DYNC2H1: variants seen among roughly 807,000 people sequenced by gnomAD.
DYNC2H1 encodes the protein cytoplasmic dynein 2 heavy chain 1.
In DYNC2H1, 410 loss-of-function variants were observed where a neutral mutation model predicts 570.0. The ratio of observed to expected loss-of-function variants is 0.72; its 90% CI spans 0.66 to 0.78. The LOEUF (loss-of-function observed/expected upper bound fraction) is 0.78, where lower values mean the gene tolerates loss of function less well. DYNC2H1 is among the 30% of genes least tolerant of loss of function. The pLI, the probability that DYNC2H1 is intolerant of heterozygous loss-of-function variation, is 0.00. For synonymous variants in DYNC2H1, 1,688 were observed against 1,677.6 expected (o/e 1.01, Z -0.15); for missense variants, 4,865 against 5,046.4 (o/e 0.96, Z 1.09).
At chr11:103,225,387 C>A (rs1863762962) in intron 59 of DYNC2H1, among the ~76,000 whole-genome samples, 1 of 152,066 alleles carries the variant, frequency 6.6e-6, no homozygotes, top group African/African-American at 2.4e-5. Flanking sequence ...GGTTTCAGGT[C>A]TTAGATTTAA....
At chr11:103,420,234 A>G (rs930550789) in intron 84 of DYNC2H1, among the ~76,000 whole-genome samples, 10 of 152,174 alleles carry the variant, frequency 6.6e-5, no homozygotes, top group African/African-American at 1.2e-4. Flanking sequence ...GATATCATCC[A>G]GGAGAACTTC....
intron 82 of DYNC2H1, among the ~76,000 whole-genome samples, chr11:103,348,256 A>G (rs77524890): frequency 0.069 from 10,478 of 152,194 alleles, 554 homozygotes; most frequent in East Asian, 0.22. Context: ...TAAACTACCT[A>G]ACATTGTTTT....
In DYNC2H1 at chr11:103,186,398, C is replaced by T; in HGVS notation, c.6790C>T (p.Gln2264Ter). The T allele has an allele frequency of 6.2e-7, 1 of 1,612,906 alleles. No homozygotes were observed. The highest frequency in any genetic ancestry group is 8.5e-7 in the Non-Finnish European group (1 of 1,179,234). Reference sequence around the variant, plus strand: ...TAACGGCTTAACTCTTCCAGTCATTCAGACTCCTGACATGCAACGAGGTCT... The same window carrying T: ...TAACGGCTTAACTCTTCCAGTCATTTAGACTCCTGACATGCAACGAGGTCT... ...FSNGLTLPVI[Q>*]TPDMQRGLDY... Residue 2264 changes from glutamine (Q) to a stop codon, truncating the protein, a stop_gained, in exon 42 of 89, where the codon CAG becomes TAG. Coordinates refer to ENST00000375735, the MANE Select transcript of DYNC2H1 (RefSeq NM_001377.3). LOFTEE classifies it high-confidence loss of function. This position sits in a 1 kb window ranked among gnomAD's most constrained non-coding sequence, Gnocchi z 4.5.
At chr11:103,332,672 A>G (rs1214854741) in intron 82 of DYNC2H1, among the ~76,000 whole-genome samples, 1 of 152,116 alleles carries the variant, frequency 6.6e-6, no homozygotes, top group African/African-American at 2.4e-5. Flanking sequence ...GGAAACCACA[A>G]ATTCTAACTC....
At chr11:103,358,605 T>C (rs1434169323) in intron 83 of DYNC2H1, among the ~76,000 whole-genome samples, 1 of 152,234 alleles carries the variant, frequency 6.6e-6, no homozygotes, top group East Asian at 1.9e-4. Flanking sequence ...ATTTCAGTTC[T>C]TCCCTTTAGC....
At chr11:103,340,657 C>T (rs1052141043) in intron 82 of DYNC2H1, among the ~76,000 whole-genome samples, 3 of 152,096 alleles carry the variant, frequency 2.0e-5, no homozygotes, top group African/African-American at 4.8e-5. Flanking sequence ...GTGTTTGTTG[C>T]TCATCTTAAT....
chr11:103,313,378 T>C (rs12289081), intron 79 of DYNC2H1, among the ~76,000 whole-genome samples: 5,281 of 152,320 alleles, frequency 0.035, 320 homozygotes, highest in African/African-American at 0.12. Context: ...CTGGTACTAA[T>C]GGTCAATTCT....
rs377179932 is a variant in DYNC2H1, at chr11:103,168,798, C to T, written c.4806C>T (p.Asp1602=). The change falls in exon 32 of 89, where the codon GAC becomes GAT. Residue 1602 remains aspartate (D), a synonymous_variant. Transcript: ENST00000375735. Reference sequence around the variant, plus strand: ...TTAAACTTAAAGCCCTAATTCTTGACATTATCCATAATATTGATGTGGTAA... The same window carrying T: ...TTAAACTTAAAGCCCTAATTCTTGATATTATCCATAATATTGATGTGGTAA... The part of the protein sequence containing the change: ...LELKLKALIL[D]IIHNIDVVKQ... The T allele has an allele frequency of 6.2e-7, 1 of 1,613,194 alleles. No individual in the cohort carries two copies. Among genetic ancestry groups the T allele is most frequent in the East Asian group, 2.2e-5 (1 of 44,728 alleles).
At chr11:103,257,792 G>A (rs1865123699) in intron 69 of DYNC2H1, 41 bp downstream of exon 69, 4 of 1,440,796 alleles carry the variant, frequency 2.8e-6, no homozygotes, top group East Asian at 2.6e-5. Flanking sequence ...TGAATTACAG[G>A]GATTACTTTA....
At chr11:103,306,367 CAG>C (rs1381213405) in intron 77 of DYNC2H1, among the ~76,000 whole-genome samples, 1 of 152,070 alleles carries the variant, frequency 6.6e-6, no homozygotes, top group Non-Finnish European at 1.5e-5. Flanking sequence ...CTCGTAGAAA[CAG>C]TACATAATAT....
chr11:103,191,057 T>G (rs1591384333), intron 45 of DYNC2H1, among the ~76,000 whole-genome samples: 1 of 117,386 alleles, frequency 8.5e-6, no homozygotes, highest in Non-Finnish European at 1.8e-5. Context: ...TTTTTTTTTT[T>G]GAGATGGAGT....
chr11:103,428,159 G>A (rs1943740591), intron 84 of DYNC2H1, among the ~76,000 whole-genome samples: 2 of 148,154 alleles, frequency 1.3e-5, no homozygotes, highest in African/African-American at 5.0e-5. Context: ...TAGTCAAATG[G>A]ATATATGGTC....
chr11:103,143,597 C>A (rs1272828684), intron 18 of DYNC2H1, among the ~76,000 whole-genome samples: 1 of 152,004 alleles, frequency 6.6e-6, no homozygotes, highest in African/African-American at 2.4e-5. Flanking sequence ...TGGCGGAGAC[C>A]TATTTAGGTA....
At chr11:103,409,003 TG>T (rs1942979418) in intron 84 of DYNC2H1, among the ~76,000 whole-genome samples, 1 of 152,028 alleles carries the variant, frequency 6.6e-6, no homozygotes, top group South Asian at 2.1e-4. Context: ...TGAAGCCTCG[TG>T]TGGCCATTTA....
intron 17 of DYNC2H1, among the ~76,000 whole-genome samples, chr11:103,139,733 A>G (rs372740053): frequency 0.048 from 7,220 of 151,940 alleles, 233 homozygotes; most frequent in Non-Finnish European, 0.068. Context: ...TATTAGGTCC[A>G]CTTGGTGCAG....
intron 59 of DYNC2H1, among the ~76,000 whole-genome samples, chr11:103,230,261 A>G (rs1462549604): frequency 1.3e-5 from 2 of 152,130 alleles, no homozygotes; most frequent in African/African-American, 4.8e-5. Flanking sequence ...TTAGTTATTA[A>G]TCGTGAGTTT....
In DYNC2H1 at chr11:103,319,454, G is replaced by T. The variant is rs1375900736; in HGVS notation, c.11726-1575G>T. Among the ~76,000 whole-genome samples, 1 of 152,108 alleles carries T rather than the reference G, an allele frequency of 6.6e-6. No homozygotes were observed. The highest frequency in any genetic ancestry group is 1.5e-5 in the Non-Finnish European group (1 of 67,986). ...CTGAGTTTCCTGATCTTTAAATTAG[G>T]AATGATAGTAGACACTATCTCAGTT... On this transcript the variant is annotated intron_variant, in intron 80 of 88. Coordinates refer to ENST00000375735, the MANE Select transcript of DYNC2H1 (RefSeq NM_001377.3). The surrounding 1 kb of genome is among the most constrained non-coding windows in gnomAD (Gnocchi z 4.3).
In DYNC2H1 at chr11:103,231,245, T is replaced by A; in HGVS notation, c.9354-15T>A. 1 of 1,501,256 alleles carries A rather than the reference T, an allele frequency of 6.7e-7. No individual in the cohort carries two copies. Among genetic ancestry groups the A allele is most frequent in the Non-Finnish European group, 9.2e-7 (1 of 1,089,762 alleles). 93.0% of individuals were successfully genotyped at this position (1,501,256 alleles called of 1,614,324 possible). A position where few individuals can be genotyped will look rare whatever the true frequency, so the allele number is the denominator to read the frequency against. On this transcript the variant is annotated splice_polypyrimidine_tract_variant and intron_variant, in intron 59 of 88. Transcript: ENST00000375735. ...TAAAATAGAATGACTTGTATAATAT[T>A]GAGTTATATTTTAGGAATCTGAAGA...
intron 77 of DYNC2H1, among the ~76,000 whole-genome samples, chr11:103,307,270 A>G (rs1317254522): frequency 6.6e-6 from 1 of 152,164 alleles, no homozygotes; most frequent in Admixed American, 6.5e-5. Context: ...ATATCATTAT[A>G]TAACTCTGTA....
Sources: allele counts gnomAD v4.1 joint callset (sites outside exome capture counted in the v4.1 genomes callset), GRCh38; gene constraint gnomAD v4.1.1; non-coding constraint Gnocchi (gnomAD v3.1); transcripts MANE v1.5; gene names NCBI Gene and HGNC (gene_info 2026-07-23, HGNC 2026-07-21).